Variants in TNIP1 observed in about 807,000 individuals in gnomAD.
TNIP1 encodes the protein TNFAIP3-interacting protein 1.
A neutral mutation model predicts 86.6 loss-of-function variants in TNIP1; 22 were observed. The ratio of observed to expected loss-of-function variants is 0.25; its 90% CI spans 0.18 to 0.36. TNIP1 has a LOEUF of 0.36. Ranked by LOEUF, TNIP1 falls within the 10% of genes least tolerant of loss-of-function variation. The pLI is 1.00. For missense variants in TNIP1, 709 were observed against 820.6 expected (o/e 0.86, Z 1.66); for synonymous variants, 294 against 313.0 (o/e 0.94, Z 0.64).
intron 17 of TNIP1, 124 bp downstream of exon 17, chr5:151,032,163 G>T: frequency 1.3e-6 from 1 of 779,656 alleles, no homozygotes; most frequent in Non-Finnish European, 2.1e-6. Context: ...CACTGTTTTG[G>T]AAAGCTGGGC....
upstream of TNIP1, among the ~76,000 whole-genome samples, chr5:151,081,771 C>T (rs919180158): frequency 6.6e-6 from 1 of 152,172 alleles, no homozygotes; most frequent in African/African-American, 2.4e-5. Flanking sequence ...TGGGCAAATC[C>T]AGAGGCCGCC....
Position 151,042,583 on chromosome 5 carries a change from T to A in TNIP1, c.1091A>T (p.Asp364Val). The A allele has an allele frequency of 6.2e-7, 1 of 1,613,728 alleles. No homozygotes were observed. The highest frequency in any genetic ancestry group is 8.5e-7 in the Non-Finnish European group (1 of 1,180,006). Reference protein sequence around the residue: ...AEREQKQRDFDRKLLLAKSKI... With the variant: ...AEREQKQRDFVRKLLLAKSKI... ...GGACTTGGCCAGGAGGAGCTTGCGGTCAAAGTCACGCTGCTTCTGCTCCCG... is the reference window on the plus strand; with the variant it reads ...GGACTTGGCCAGGAGGAGCTTGCGGACAAAGTCACGCTGCTTCTGCTCCCG... Residue 364 changes from aspartate to valine, a missense_variant, in exon 11 of 18, where the codon GAC (aspartate) becomes GTC (valine). Physicochemically the swap from Asp to Val is radical, Grantham distance 152. Transcript: ENST00000521591.
At chr5:151,034,793 T>C in intron 15 of TNIP1, 1 of 593,606 alleles carries the variant, frequency 1.7e-6, no homozygotes, top group Admixed American at 2.8e-5. Flanking sequence ...GGTTGCTACC[T>C]GGACACAGAA....
chr5:151,035,430 G>C (rs1757570054), intron 14 of TNIP1, 152 bp downstream of exon 14: 1 of 1,110,178 alleles, frequency 9.0e-7, no homozygotes, highest in Non-Finnish European at 1.3e-6. Flanking sequence ...GAGTCAGAGA[G>C]GGGAAGGGCC....
At chr5:151,070,619 C>T (rs1762725505) in intron 1 of TNIP1, among the ~76,000 whole-genome samples, 1 of 152,182 alleles carries the variant, frequency 6.6e-6, no homozygotes, top group South Asian at 2.1e-4. Flanking sequence ...GCCTCATTTC[C>T]TCTGCTGTAA....
intron 9 of TNIP1, among the ~76,000 whole-genome samples, chr5:151,045,217 G>A: frequency 6.6e-6 from 1 of 152,112 alleles, no homozygotes; most frequent in African/African-American, 2.4e-5. Flanking sequence ...CTCAGTCTGA[G>A]TGGGTGGGAT....
upstream of TNIP1, chr5:151,081,142 G>A (rs1763991244): frequency 1.3e-5 from 2 of 152,214 alleles, no homozygotes; most frequent in Non-Finnish European, 2.9e-5. Context: ...GCCGCCTGGG[G>A]TGGGACCGAG....
At chr5:151,031,121 G>A (rs866570651) in intron 17 of TNIP1, among the ~76,000 whole-genome samples, 1 of 152,202 alleles carries the variant, frequency 6.6e-6, no homozygotes, top group South Asian at 2.1e-4. Context: ...GCCTCCAAGG[G>A]GCTCCACTGA....
At chr5:151,079,187 T>A (rs1233833922) in intron 1 of TNIP1, among the ~76,000 whole-genome samples, 1 of 152,124 alleles carries the variant, frequency 6.6e-6, no homozygotes, top group Non-Finnish European at 1.5e-5. Context: ...CTGATCACAT[T>A]ATTTTCCCGG....
chr5:151,036,892 G>C lies in TNIP1; in HGVS notation c.1293C>G (p.Thr431=). The part of the protein sequence containing the change: ...KALEEALSIQ[T]PPSSPPTAFG... ...ATGCTGTTGGTGGAGATGATGGCGG[G>C]GTTTGGATGCTCAGTGCTTCCTCCA... The change falls in exon 13 of 18, where the codon ACC becomes ACG. Residue 431 remains threonine (T), a synonymous_variant. Coordinates refer to ENST00000521591, the MANE Select transcript of TNIP1 (RefSeq NM_006058.5). 6.2e-7 allele frequency: 1 copy of C among 1,611,814 alleles called. No individual in the cohort carries two copies. The highest frequency in any genetic ancestry group is 8.5e-7 in the Non-Finnish European group (1 of 1,178,850).
At chr5:151,071,259 T>C (rs1473413132) in intron 1 of TNIP1, among the ~76,000 whole-genome samples, 1 of 152,168 alleles carries the variant, frequency 6.6e-6, no homozygotes, top group Non-Finnish European at 1.5e-5. Flanking sequence ...GAGCCCAGAC[T>C]TAACTCCTCC....
rs749669725 is a variant in TNIP1, at chr5:151,063,678, T to C, written c.206A>G (p.Asp69Gly). 12 of 1,614,008 alleles carry C rather than the reference T, an allele frequency of 7.4e-6. No homozygotes were observed. In the Admixed American group the frequency reaches 2.0e-4, roughly 27 times the overall value. Residue 69 changes from aspartate (D) to glycine (G), a missense_variant, in exon 3 of 18, where the codon GAC becomes GGC. Asp to Gly is a moderately conservative substitution (Grantham distance 94). Coordinates refer to ENST00000521591, the MANE Select transcript of TNIP1 (RefSeq NM_006058.5). Reference protein sequence around the residue: ...LRQKAEELVKDNELLPPPSPS... With the variant: ...LRQKAEELVKGNELLPPPSPS... ...AGAAGGTGGTGGGAGCAGCTCGTTG[T>C]CCTTCACTAGCTCCTCTGCCTTCTG... is the stretch of plus-strand genomic sequence containing the variant.
intron 2 of TNIP1, 110 bp downstream of exon 2, chr5:151,064,850 T>C (rs1187224618): frequency 1.3e-6 from 2 of 1,499,102 alleles, no homozygotes; most frequent in Non-Finnish European, 1.8e-6. Context: ...GGACAGGGGA[T>C]GACTTGGGCA....
chr5:151,058,638 G>T (rs1430517952), intron 5 of TNIP1, among the ~76,000 whole-genome samples: 1 of 152,168 alleles, frequency 6.6e-6, no homozygotes, highest in Non-Finnish European at 1.5e-5. Flanking sequence ...CTCTGCCTCT[G>T]CAAGTTCTGC....
intron 11 of TNIP1, among the ~76,000 whole-genome samples, chr5:151,041,504 T>A (rs1758411446): frequency 6.6e-6 from 1 of 152,040 alleles, no homozygotes; most frequent in African/African-American, 2.4e-5. Context: ...AGTAGCTAGG[T>A]CTACAGGTGC....
intron 1 of TNIP1, among the ~76,000 whole-genome samples, chr5:151,065,947 G>A (rs931693706): frequency 2.6e-5 from 4 of 152,148 alleles, no homozygotes; most frequent in Non-Finnish European, 4.4e-5. Flanking sequence ...AAACCAGTTG[G>A]AAAGGTGATT....
intron 1 of TNIP1, among the ~76,000 whole-genome samples, chr5:151,071,345 T>C (rs1281018819): frequency 6.6e-6 from 1 of 152,112 alleles, no homozygotes; most frequent in Non-Finnish European, 1.5e-5. Flanking sequence ...GCGCCAGAAC[T>C]GTGGGATCTA....
At chr5:151,069,453 T>C (rs999031342) in intron 1 of TNIP1, among the ~76,000 whole-genome samples, 1 of 152,202 alleles carries the variant, frequency 6.6e-6, no homozygotes, top group South Asian at 2.1e-4. Flanking sequence ...GCAGGGCTGA[T>C]ACCTGCCTGA....
At chr5:151,040,674 A>G (rs915192820) in intron 11 of TNIP1, among the ~76,000 whole-genome samples, 1 of 152,162 alleles carries the variant, frequency 6.6e-6, no homozygotes, top group Non-Finnish European at 1.5e-5. Context: ...ATAAGGAAAG[A>G]CAGAAGTGTT....
Sources: gnomAD v4.1 joint callset for allele counts (sites outside exome capture counted in the v4.1 genomes callset) on GRCh38, gnomAD v4.1.1 for gene constraint, MANE v1.5 for transcripts, NCBI Gene and HGNC (gene_info 2026-07-23, HGNC 2026-07-21) for gene names.